The following THSD7B variants were observed in gnomAD, a reference collection of about 807,000 sequenced individuals.
The protein encoded by THSD7B is thrombospondin type 1 domain containing 7B, also known as thrombospondin type-1 domain-containing protein 7B.
THSD7B carries 138 observed loss-of-function variants against 213.6 expected under a neutral mutation model. That is an observed-to-expected ratio of 0.65 (90% CI 0.56 to 0.74). THSD7B has a LOEUF of 0.74. THSD7B is among the 30% of genes least tolerant of loss of function. THSD7B has a pLI of 0.00. For synonymous variants in THSD7B, 742 were observed against 687.0 expected, an observed-to-expected ratio of 1.08 and a Z score of -1.25; for missense variants, 1,931 against 1,991.5, an observed-to-expected ratio of 0.97 and a Z score of 0.58.
chr2:136,776,443 T>TA (rs75546444), intron 1 of THSD7B, among the ~76,000 whole-genome samples: 32,899 of 152,102 alleles, frequency 0.22, 4,171 homozygotes, highest in East Asian at 0.41. Flanking sequence ...ATCTCTGGTT[T>TA]ACTGGTCCAC....
At chr2:137,588,491 T>C (rs920752269) in intron 17 of THSD7B, among the ~76,000 whole-genome samples, 1 of 151,862 alleles carries the variant, frequency 6.6e-6, no homozygotes, top group Admixed American at 6.6e-5. Flanking sequence ...GTTTTTTTTT[T>C]TTTCAATTTC....
chr2:137,505,078 G>C (rs1288168076), intron 15 of THSD7B, among the ~76,000 whole-genome samples: 1 of 152,082 alleles, frequency 6.6e-6, no homozygotes, highest in Non-Finnish European at 1.5e-5. Context: ...TTAGAATGCA[G>C]TCCTAAGAGG....
chr2:136,935,889 A>G (rs1195722032), intron 2 of THSD7B, among the ~76,000 whole-genome samples: 1 of 148,214 alleles, frequency 6.7e-6, no homozygotes, highest in Non-Finnish European at 1.5e-5. Context: ...ATATAATTAC[A>G]TATAATATAG....
At chr2:137,281,866 G>A (rs1192001033) in intron 12 of THSD7B, among the ~76,000 whole-genome samples, 1 of 152,136 alleles carries the variant, frequency 6.6e-6, no homozygotes, top group African/African-American at 2.4e-5. Flanking sequence ...ATAAACACAC[G>A]TGTGCATGTG....
intron 7 of THSD7B, among the ~76,000 whole-genome samples, chr2:137,194,386 A>G (rs1680719718): frequency 6.6e-6 from 1 of 152,224 alleles, no homozygotes; most frequent in African/African-American, 2.4e-5. Context: ...TCCAGTTTAG[A>G]GCAGCCCCTC....
intron 9 of THSD7B, among the ~76,000 whole-genome samples, chr2:137,236,863 C>T (rs1171681203): frequency 2.0e-5 from 3 of 152,126 alleles, no homozygotes; most frequent in East Asian, 3.9e-4. Context: ...GTAATCCCAG[C>T]ACTTTGGGAG....
chr2:137,503,350 T>C (rs1033191957), intron 15 of THSD7B, among the ~76,000 whole-genome samples: 1 of 152,200 alleles, frequency 6.6e-6, no homozygotes, highest in African/African-American at 2.4e-5. Context: ...CTTTTCTAGT[T>C]GCCGCCACTG....
intron 2 of THSD7B, among the ~76,000 whole-genome samples, chr2:136,929,201 T>A (rs556597621): frequency 2.4e-4 from 36 of 152,332 alleles, no homozygotes; most frequent in African/African-American, 8.2e-4. Context: ...TCTTGTAGAT[T>A]AATACTCTGC....
At chr2:137,008,453 T>A (rs533140895) in intron 2 of THSD7B, among the ~76,000 whole-genome samples, 1 of 152,338 alleles carries the variant, frequency 6.6e-6, no homozygotes, top group South Asian at 2.1e-4. Flanking sequence ...GTAAAATGTC[T>A]TAATTACCTG....
intron 2 of THSD7B, among the ~76,000 whole-genome samples, chr2:136,987,145 A>G (rs1323384780): frequency 2.0e-5 from 3 of 152,200 alleles, no homozygotes; most frequent in African/African-American, 7.2e-5. Flanking sequence ...CAACATTTCA[A>G]TATGTCGCAT....
In THSD7B at chr2:137,676,681, T is replaced by C; in HGVS notation, c.*76T>C. ...TTTTGTAGCTCTCAGACTTCTCAGT[T>C]TTTTGAGGAATCTCAAGATGTGATA... is the stretch of plus-strand genomic sequence containing the variant. On this transcript the variant is annotated 3_prime_UTR_variant, in exon 28 of 28. Coordinates refer to ENST00000409968, the MANE Select transcript of THSD7B (RefSeq NM_001316349.2). 4.5e-6 allele frequency: 6 copies of C among 1,327,066 alleles called. No homozygotes were observed. The highest frequency in any genetic ancestry group is 6.1e-6 in the Non-Finnish European group (6 of 984,300). 82.2% of individuals were successfully genotyped at this position (1,327,066 alleles called of 1,614,324 possible). A position where few individuals can be genotyped will look rare whatever the true frequency, so the allele number is the denominator to read the frequency against.
At chr2:137,311,052 G>A (rs1683891589) in intron 12 of THSD7B, among the ~76,000 whole-genome samples, 1 of 150,856 alleles carries the variant, frequency 6.6e-6, no homozygotes, top group African/African-American at 2.4e-5. Context: ...AAAGTCATTG[G>A]TAGCTTGATG....
intron 1 of THSD7B, among the ~76,000 whole-genome samples, chr2:136,781,398 G>A (rs1214467998): frequency 2.0e-5 from 3 of 151,010 alleles, no homozygotes; most frequent in African/African-American, 7.3e-5. Flanking sequence ...CTGAGTAGCT[G>A]GGACCACAGG....
chr2:137,307,296 T>G (rs1292106707), intron 12 of THSD7B, among the ~76,000 whole-genome samples: 2 of 152,024 alleles, frequency 1.3e-5, no homozygotes, highest in Non-Finnish European at 2.9e-5. Flanking sequence ...GAGGCTCCTT[T>G]CCATCCCTCC....
chr2:137,120,604 A>G (rs1054827757), intron 5 of THSD7B, among the ~76,000 whole-genome samples: 7 of 152,094 alleles, frequency 4.6e-5, no homozygotes, highest in Non-Finnish European at 1.0e-4. Context: ...ATTAGGCTGC[A>G]TTATCTCTTT....
intron 3 of THSD7B, among the ~76,000 whole-genome samples, chr2:137,078,147 A>ATTATT (rs1687669510): frequency 6.6e-6 from 1 of 152,066 alleles, no homozygotes; most frequent in Admixed American, 6.5e-5. Context: ...GATATGCGGC[A>ATTATT]TTATTTCTGA....
At chr2:137,606,099 A>C (rs1682171418) in intron 17 of THSD7B, among the ~76,000 whole-genome samples, 2 of 152,088 alleles carry the variant, frequency 1.3e-5, no homozygotes, top group Admixed American at 1.3e-4. Flanking sequence ...CGACACCCGG[A>C]TATTGGCACA....
In THSD7B at chr2:137,581,955, A is replaced by T. The variant is rs185226138; in HGVS notation, c.3423+9399A>T. 3.1e-4 allele frequency among the ~76,000 whole-genome samples: 47 copies of T among 150,802 alleles called. 1 individual carries two copies. The East Asian group carries it at 8.2e-3, about 26-fold the overall frequency. ...TCTTTAAAATACAAAAATTAGCCAG[A>T]TGTGTTGGTGGACACCTGTAATCCC... On this transcript the variant is annotated intron_variant, in intron 17 of 27. Transcript: ENST00000409968.
At chr2:136,927,101 A>G (rs906900517) in intron 2 of THSD7B, among the ~76,000 whole-genome samples, 1 of 151,812 alleles carries the variant, frequency 6.6e-6, no homozygotes, top group Admixed American at 6.6e-5. Flanking sequence ...TCAGCTATAT[A>G]TTCTGTCTTC....
Sources: gnomAD v4.1 joint callset for allele counts (sites outside exome capture counted in the v4.1 genomes callset) on GRCh38, gnomAD v4.1.1 for gene constraint, MANE v1.5 for transcripts, NCBI Gene and HGNC (gene_info 2026-07-23, HGNC 2026-07-21) for gene names.